TUT4: variants seen among roughly 807,000 people sequenced by gnomAD.
TUT4 encodes the protein terminal uridylyltransferase 4.
In TUT4, 36 loss-of-function variants were observed where a neutral mutation model predicts 192.2. The observed-to-expected ratio is 0.19, with a 90% CI of 0.14 to 0.25. TUT4 has a LOEUF of 0.25. Ranked by LOEUF, TUT4 falls within the 10% of genes least tolerant of loss-of-function variation. The probability of loss-of-function intolerance (pLI) is 1.00; values close to 1 mark genes in which losing one functional copy is unlikely to be tolerated. For missense variants in TUT4, 1,493 were observed against 1,957.2 expected, an observed-to-expected ratio of 0.76 and a Z score of 4.47; for synonymous variants, 618 against 666.0, an observed-to-expected ratio of 0.93 and a Z score of 1.11.
chr1:52,539,360 T>TA (rs750991208), intron 1 of TUT4, among the ~76,000 whole-genome samples: 10 of 151,900 alleles, frequency 6.6e-5, no homozygotes, highest in East Asian at 5.8e-4. Flanking sequence ...TCAGTGAATA[T>TA]AAAGGGGTGA....
At chr1:52,451,214 C>A (rs1287235409) in intron 20 of TUT4, among the ~76,000 whole-genome samples, 2 of 149,486 alleles carry the variant, frequency 1.3e-5, no homozygotes, top group African/African-American at 5.0e-5. Context: ...TGCAGTGAGC[C>A]GAGATTGCGC....
intron 4 of TUT4, among the ~76,000 whole-genome samples, chr1:52,502,199 A>G (rs1674321884): frequency 6.6e-6 from 1 of 151,892 alleles, no homozygotes. Flanking sequence ...TGTTCTTAAC[A>G]TGGAATATAA....
chr1:52,543,116 G>T (rs1687162637), intron 1 of TUT4, among the ~76,000 whole-genome samples: 1 of 152,054 alleles, frequency 6.6e-6, no homozygotes, highest in Non-Finnish European at 1.5e-5. Context: ...TTAGGCAAAA[G>T]AAACAAAACG....
At chr1:52,465,626 T>A (rs896417986) in intron 15 of TUT4, among the ~76,000 whole-genome samples, 5 of 152,244 alleles carry the variant, frequency 3.3e-5, no homozygotes, top group African/African-American at 1.2e-4. Context: ...ATTCTCAACA[T>A]CACTACCAAT....
chr1:52,540,400 G>A lies in TUT4; in HGVS notation c.-94+12531C>T, dbSNP rs186574824. On this transcript the variant is annotated intron_variant, in intron 1 of 29. Coordinates refer to ENST00000257177, the MANE Select transcript of TUT4 (RefSeq NM_001009881.3). Reference sequence around the variant, plus strand: ...GTGTGGTGGCATGCACCTGTAGTCCGACTTCTCAGGAGGCTGAGGCAGAAG... The same window carrying A: ...GTGTGGTGGCATGCACCTGTAGTCCAACTTCTCAGGAGGCTGAGGCAGAAG... Among the ~76,000 whole-genome samples the A allele has an allele frequency of 8.7e-5, 13 of 150,158 alleles. No homozygotes were observed. The East Asian group carries it at 1.4e-3, about 16-fold the overall frequency.
chr1:52,443,137 G>A (rs2148394828), intron 24 of TUT4, among the ~76,000 whole-genome samples: 1 of 151,538 alleles, frequency 6.6e-6, no homozygotes, highest in African/African-American at 2.4e-5. Flanking sequence ...TACAAAATTA[G>A]CTGGGCGTAG....
At chr1:52,463,647 A>T in intron 16 of TUT4, 2 of 1,303,612 alleles carry the variant, frequency 1.5e-6, no homozygotes, top group East Asian at 5.5e-5. Flanking sequence ...CTAGGCTGGT[A>T]AAGGACTGAA....
At chr1:52,483,441 A>C (rs1367085909) in intron 9 of TUT4, among the ~76,000 whole-genome samples, 1 of 152,072 alleles carries the variant, frequency 6.6e-6, no homozygotes, top group East Asian at 1.9e-4. Context: ...CTTTAGTTTA[A>C]ATATGCTTAT....
chr1:52,488,170 A>G (rs1670266118), intron 9 of TUT4, among the ~76,000 whole-genome samples: 1 of 152,058 alleles, frequency 6.6e-6, no homozygotes, highest in Non-Finnish European at 1.5e-5. Context: ...AATTCCAGAG[A>G]CTTCTCTATT....
chr1:52,431,030 C>G lies in TUT4; in HGVS notation c.4694G>C (p.Gly1565Ala). 6.3e-7 allele frequency: 1 copy of G among 1,594,146 alleles called. No individual in the cohort carries two copies. The highest frequency in any genetic ancestry group is 8.6e-7 in the Non-Finnish European group (1 of 1,165,278). The change falls in exon 28 of 30, where the codon GGT becomes GCT. Residue 1565 changes from glycine (G) to alanine (A), a missense_variant. By Grantham distance (60) the Gly-to-Ala change is moderately conservative. Around this residue, in one of 7 missense-constraint regions of TUT4, gnomAD observed 351 missense variants for 397.8 expected, o/e 0.88. Transcript: ENST00000257177. ...AAGGTTACCTGAATTCCCCACTGCA[C>G]CACTGTTTACCAGGGAATTTGGAGC... ...TVAPNSLVNS[G>A]AVGNSEPGFR...
At chr1:52,497,717 A>G (rs940156161) in intron 4 of TUT4, among the ~76,000 whole-genome samples, 1 of 152,258 alleles carries the variant, frequency 6.6e-6, no homozygotes, top group Non-Finnish European at 1.5e-5. Context: ...AGCTAAAAAG[A>G]CACTTTGCTA....
chr1:52,472,095 G>A lies in TUT4; in HGVS notation c.2735C>T (p.Thr912Met), dbSNP rs757855307. 1.1e-5 allele frequency: 18 copies of A among 1,612,856 alleles called. No homozygotes were observed. The highest frequency in any genetic ancestry group is 1.4e-5 in the Non-Finnish European group (17 of 1,179,580). Reference protein sequence around the residue: ...KFILTSGKPPTIVCSICKKDG... With the variant: ...KFILTSGKPPMIVCSICKKDG... ...CTTTTTGCAGATGCTGCATACTATCGTTGGTGGCTACACAAAGATAAAAAG... is the reference window on the plus strand; with the variant it reads ...CTTTTTGCAGATGCTGCATACTATCATTGGTGGCTACACAAAGATAAAAAG... The change falls in exon 14 of 30, where the codon ACG becomes ATG. Residue 912 changes from threonine (T) to methionine (M), a missense_variant. This residue lies in a region of TUT4 where 59 missense variants were observed against 114.3 expected (regional missense o/e 0.52). Coordinates refer to ENST00000257177, the MANE Select transcript of TUT4 (RefSeq NM_001009881.3).
intron 20 of TUT4, among the ~76,000 whole-genome samples, chr1:52,449,084 GACAC>G (rs142537086): frequency 5.4e-5 from 8 of 149,198 alleles, no homozygotes; most frequent in African/African-American, 7.4e-5. Flanking sequence ...CACACACACA[GACAC>G]ACACACACAC....
chr1:52,532,191 CA>C (rs1683654621), intron 1 of TUT4, among the ~76,000 whole-genome samples: 2 of 151,978 alleles, frequency 1.3e-5, no homozygotes, highest in Non-Finnish European at 2.9e-5. Flanking sequence ...AAAACAAATA[CA>C]TTTACATGGT....
At chr1:52,448,417 G>A (rs566342126) in intron 20 of TUT4, among the ~76,000 whole-genome samples, 18 of 151,906 alleles carry the variant, frequency 1.2e-4, no homozygotes, top group Admixed American at 6.6e-4. Flanking sequence ...GCAAAACCCC[G>A]TCTCTAATAA....
At chr1:52,509,342 G>A (rs1023437814) in intron 4 of TUT4, among the ~76,000 whole-genome samples, 1 of 152,158 alleles carries the variant, frequency 6.6e-6, no homozygotes, top group African/African-American at 2.4e-5. Flanking sequence ...ATAAACATCA[G>A]TTGGATGGAC....
At chr1:52,450,002 C>T (rs920717812) in intron 20 of TUT4, among the ~76,000 whole-genome samples, 9 of 152,010 alleles carry the variant, frequency 5.9e-5, no homozygotes, top group African/African-American at 1.9e-4. Context: ...GTGAACACTC[C>T]CAAATCTTTT....
At chr1:52,476,679 T>A (rs1252509348) in intron 12 of TUT4, among the ~76,000 whole-genome samples, 1 of 152,082 alleles carries the variant, frequency 6.6e-6, no homozygotes, top group African/African-American at 2.4e-5. Context: ...AAAAAAGAGA[T>A]AAATTATGGC....
At chr1:52,536,170 A>T (rs1240629764) in intron 1 of TUT4, among the ~76,000 whole-genome samples, 3 of 152,228 alleles carry the variant, frequency 2.0e-5, no homozygotes, top group Admixed American at 2.0e-4. Context: ...AATGCATAAA[A>T]ATTCATTACA....
Sources: gnomAD v4.1 joint callset for allele counts (sites outside exome capture counted in the v4.1 genomes callset) on GRCh38, gnomAD v4.1.1 for gene constraint, gnomAD v4.1.1 regional missense constraint, MANE v1.5 for transcripts, NCBI Gene and HGNC (gene_info 2026-07-23, HGNC 2026-07-21) for gene names.